BCKDHB: variants seen among roughly 807,000 people sequenced by gnomAD.
BCKDHB encodes branched chain keto acid dehydrogenase E1 subunit beta.
Under a neutral mutation model 48.5 loss-of-function variants are expected in BCKDHB, and 41 were observed. That is an observed-to-expected ratio of 0.85 (90% CI 0.66 to 1.10). The LOEUF (loss-of-function observed/expected upper bound fraction) is 1.10, where lower values mean the gene tolerates loss of function less well. Ranked by LOEUF, BCKDHB falls within the 50% of genes least tolerant of loss-of-function variation. The pLI, the probability that BCKDHB is intolerant of heterozygous loss-of-function variation, is 0.00. For synonymous variants in BCKDHB, 201 were observed against 174.8 expected, an observed-to-expected ratio of 1.15 and a Z score of -1.18; for missense variants, 496 against 494.2, an observed-to-expected ratio of 1.00 and a Z score of -0.03.
chr6:80,435,253 C>A, the BCKDHB span, among the ~76,000 whole-genome samples: 3 of 152,056 alleles, frequency 2.0e-5, no homozygotes, highest in Non-Finnish European at 4.4e-5. Context: ...CAGCTGGGCA[C>A]AATTTGATTT....
At chr6:80,454,896 G>A in the BCKDHB span, among the ~76,000 whole-genome samples, 3 of 151,986 alleles carry the variant, frequency 2.0e-5, no homozygotes, top group African/African-American at 4.8e-5. Context: ...GAACTTTCCC[G>A]CCCATACATT....
chr6:80,458,320 G>A, the BCKDHB span, among the ~76,000 whole-genome samples: 1 of 152,224 alleles, frequency 6.6e-6, no homozygotes, highest in Non-Finnish European at 1.5e-5. Context: ...CCAGAATCAA[G>A]TTTTAAAGAA....
chr6:80,300,309 C>T (rs577741230), intron 9 of BCKDHB, among the ~76,000 whole-genome samples: 1 of 152,132 alleles, frequency 6.6e-6, no homozygotes, highest in South Asian at 2.1e-4. Context: ...ATCTCAGCCT[C>T]TCAAAGTGCT....
intron 3 of BCKDHB, among the ~76,000 whole-genome samples, chr6:80,142,852 A>T (rs564440324): frequency 3.7e-4 from 56 of 152,242 alleles, no homozygotes; most frequent in African/African-American, 7.9e-4. Flanking sequence ...ATTAGCTTAG[A>T]TCAGTCCAGT....
chr6:80,260,508 A>G (rs1777254569), intron 8 of BCKDHB, among the ~76,000 whole-genome samples: 1 of 152,186 alleles, frequency 6.6e-6, no homozygotes, highest in African/African-American at 2.4e-5. Context: ...ACCAAGTACA[A>G]TATGGGGAAG....
intron 8 of BCKDHB, among the ~76,000 whole-genome samples, chr6:80,226,844 A>G (rs1007759886): frequency 5.3e-5 from 8 of 152,200 alleles, no homozygotes; most frequent in Admixed American, 2.0e-4. Flanking sequence ...CCACCAGGCT[A>G]TAAGTCGGAC....
At chr6:80,119,470 C>T (rs1201441885) in intron 1 of BCKDHB, among the ~76,000 whole-genome samples, 1 of 152,022 alleles carries the variant, frequency 6.6e-6, no homozygotes, top group Non-Finnish European at 1.5e-5. Context: ...AGGTGTGCAC[C>T]ACCATACTGG....
At chr6:80,353,347 G>T in the BCKDHB span, among the ~76,000 whole-genome samples, 2 of 152,270 alleles carry the variant, frequency 1.3e-5, no homozygotes, top group East Asian at 3.9e-4. Context: ...AAACACATGA[G>T]TGCAGGTATC....
chr6:80,403,699 A>G, the BCKDHB span, among the ~76,000 whole-genome samples: 1 of 151,988 alleles, frequency 6.6e-6, no homozygotes, highest in Admixed American at 6.6e-5. Flanking sequence ...TTTGGGTATA[A>G]TGTTAGCTGT....
At position 80,256,243 on chromosome 6, in the gene BCKDHB, A is replaced by G. The variant is rs142669313; in HGVS notation, c.952-16892A>G. On this transcript the variant is annotated intron_variant, in intron 8 of 9. Coordinates refer to ENST00000320393, the MANE Select transcript of BCKDHB (RefSeq NM_183050.4). Reference sequence around the variant, plus strand: ...TAACGACAGGAGTACATTCTGAGAAACATGTTGTTAGGCAATTTTGTTGTG... The same window carrying G: ...TAACGACAGGAGTACATTCTGAGAAGCATGTTGTTAGGCAATTTTGTTGTG... 2.0e-5 allele frequency among the ~76,000 whole-genome samples: 3 copies of G among 152,284 alleles called. No individual in the cohort carries two copies. In the East Asian group the frequency reaches 5.8e-4, roughly 29 times the overall value.
At chr6:80,301,845 G>A (rs1395253910) in intron 9 of BCKDHB, among the ~76,000 whole-genome samples, 3 of 152,082 alleles carry the variant, frequency 2.0e-5, no homozygotes, top group Non-Finnish European at 4.4e-5. Context: ...TTCAATGTAA[G>A]CAAATCAATA....
the BCKDHB span, among the ~76,000 whole-genome samples, chr6:80,388,343 A>G: frequency 6.6e-6 from 1 of 152,194 alleles, no homozygotes; most frequent in African/African-American, 2.4e-5. Flanking sequence ...TAGGTCACAG[A>G]GGAGACCTCT....
chr6:80,299,949 A>T (rs950464720), intron 9 of BCKDHB, among the ~76,000 whole-genome samples: 7 of 152,218 alleles, frequency 4.6e-5, no homozygotes, highest in Non-Finnish European at 8.8e-5. Flanking sequence ...TGTTGTCTTC[A>T]GTAGACCCAT....
chr6:80,301,573 G>C (rs1767582666), intron 9 of BCKDHB, among the ~76,000 whole-genome samples: 1 of 152,068 alleles, frequency 6.6e-6, no homozygotes, highest in South Asian at 2.1e-4. Context: ...AATTCTACCA[G>C]ACATACAAAG....
chr6:80,401,270 T>C, the BCKDHB span, among the ~76,000 whole-genome samples: 1 of 151,878 alleles, frequency 6.6e-6, no homozygotes, highest in African/African-American at 2.4e-5. Context: ...GATTAACATA[T>C]AAATAGCAGT....
chr6:80,391,229 C>G, the BCKDHB span, among the ~76,000 whole-genome samples: 753 of 151,468 alleles, frequency 5.0e-3, 4 homozygotes, highest in African/African-American at 0.017. Context: ...CTAGAGAACC[C>G]TAATACAGAT....
the BCKDHB span, among the ~76,000 whole-genome samples, chr6:80,436,147 C>CTTTTTTT: frequency 2.0e-3 from 140 of 70,368 alleles, 31 homozygotes; most frequent in Non-Finnish European, 2.8e-3. Flanking sequence ...AAATTCTTTT[C>CTTTTTTT]TTTTTTTTTT....
intron 1 of BCKDHB, among the ~76,000 whole-genome samples, chr6:80,112,436 A>G (rs1476499307): frequency 6.6e-6 from 1 of 152,198 alleles, no homozygotes; most frequent in Non-Finnish European, 1.5e-5. Flanking sequence ...GAACAGCAGC[A>G]CAAAAGCCTG....
intron 1 of BCKDHB, among the ~76,000 whole-genome samples, chr6:80,117,790 C>T (rs1030347683): frequency 6.6e-6 from 1 of 152,206 alleles, no homozygotes; most frequent in Non-Finnish European, 1.5e-5. Flanking sequence ...ATGCTTATCA[C>T]TGGCTTGCTG....
Sources: allele counts gnomAD v4.1 joint callset (sites outside exome capture counted in the v4.1 genomes callset), GRCh38; gene constraint gnomAD v4.1.1; transcripts MANE v1.5; gene names NCBI Gene and HGNC (gene_info 2026-07-23, HGNC 2026-07-21).